Variants in C12orf76 observed in about 807,000 individuals in gnomAD.
C12orf76 encodes uncharacterized protein C12orf76.
In C12orf76, 6 loss-of-function variants were observed where a neutral mutation model predicts 6.8. The observed-to-expected ratio is 0.88, with a 90% CI of 0.48 to 1.73. The LOEUF (loss-of-function observed/expected upper bound fraction) is 1.73. Among genes scored for constraint, C12orf76 ranks in the 40% most tolerant of loss-of-function variants. The pLI, the probability that C12orf76 is intolerant of heterozygous loss-of-function variation, is 0.01. For missense variants in C12orf76, 99 were observed against 98.2 expected (o/e 1.01, Z -0.03); for synonymous variants, 56 against 43.7 (o/e 1.28, Z -1.11).
intron 2 of C12orf76, among the ~76,000 whole-genome samples, chr12:110,062,011 C>G (rs1269707509): frequency 6.6e-6 from 1 of 151,982 alleles, no homozygotes; most frequent in Non-Finnish European, 1.5e-5. Context: ...TGCCTGTAAC[C>G]CCAGCACTTT....
upstream of C12orf76, among the ~76,000 whole-genome samples, chr12:110,070,447 T>C (rs973896354): frequency 2.6e-5 from 4 of 151,958 alleles, no homozygotes; most frequent in African/African-American, 9.7e-5. Flanking sequence ...GTGCCTATGG[T>C]CCCAGCTACT....
intron 1 of C12orf76, among the ~76,000 whole-genome samples, chr12:110,073,013 A>T (rs1892978951): frequency 6.6e-6 from 1 of 152,156 alleles, no homozygotes; most frequent in African/African-American, 2.4e-5. Context: ...GGTGACCTGA[A>T]GTTAAAATAC....
At chr12:110,048,939 C>A (rs1337265101), upstream of C12orf76, 2 of 153,892 alleles carry the variant, frequency 1.3e-5, no homozygotes, top group African/African-American at 4.8e-5. Context: ...CCCAGACATC[C>A]TTTTCTAAAA....
chr12:110,073,285 C>T (rs149599123), intron 1 of C12orf76: 5,029 of 433,922 alleles, frequency 0.012, 47 homozygotes, highest in Middle Eastern at 0.017. Flanking sequence ...TCCTCCCTCC[C>T]GCCCGGTTTG....
At chr12:110,058,458 G>T (rs1009064766) in intron 3 of C12orf76, among the ~76,000 whole-genome samples, 1 of 152,312 alleles carries the variant, frequency 6.6e-6, no homozygotes, top group Admixed American at 6.5e-5. Flanking sequence ...GAGGCCAGGA[G>T]TTCAAGACCA....
In C12orf76 at chr12:110,062,901, C is replaced by A. The variant is rs139588456; in HGVS notation, n.380+2959G>T. ...CAAGCAATCCTCCCATCTCAGCCTC[C>A]CAAAGTGCTGGGATTATAGGGGTGA... On this transcript the variant is annotated intron_variant and non_coding_transcript_variant, in intron 2 of 4. Coordinates refer to the C12orf76 transcript ENST00000309050. 3.1e-3 allele frequency among the ~76,000 whole-genome samples: 469 copies of A among 150,894 alleles called. 4 individuals are homozygous for A. Among genetic ancestry groups the A allele is most frequent in the African/African-American group, 0.011 (454 of 40,884 alleles).
intron 3 of C12orf76, chr12:110,057,310 G>C (rs370022422): frequency 6.4e-7 from 1 of 1,572,190 alleles, no homozygotes; most frequent in African/African-American, 1.3e-5. Context: ...AGGTTCCAGA[G>C]CAAAAGTAAC....
chr12:110,072,247 T>G (rs559713598), upstream of C12orf76, among the ~76,000 whole-genome samples: 1 of 147,562 alleles, frequency 6.8e-6, no homozygotes, highest in East Asian at 2.0e-4. Flanking sequence ...GGCAACATAG[T>G]GAGACCCCAA....
chr12:110,062,500 C>T lies in C12orf76; in HGVS notation n.381-3337G>A, dbSNP rs1173028108. 4.6e-5 allele frequency among the ~76,000 whole-genome samples: 7 copies of T among 151,610 alleles called. No homozygotes were observed. The East Asian group carries it at 7.7e-4, about 17-fold the overall frequency. ...GATGAAATGTTCTAAAACTGGATCA[C>T]GGTAATGGTTGAACAACTTGGTAAA... On this transcript the variant is annotated intron_variant and non_coding_transcript_variant, in intron 2 of 4. Coordinates refer to the C12orf76 transcript ENST00000309050.
upstream of C12orf76, among the ~76,000 whole-genome samples, chr12:110,072,239 C>T (rs541586715): frequency 2.1e-5 from 3 of 145,238 alleles, no homozygotes; most frequent in East Asian, 6.0e-4. Context: ...CCAACCTGGG[C>T]AACATAGTGA....
At chr12:110,048,201 A>C (rs1216846619) in intron 1 of C12orf76, among the ~76,000 whole-genome samples, 162 bp downstream of exon 1, 1 of 152,150 alleles carries the variant, frequency 6.6e-6, no homozygotes, top group African/African-American at 2.4e-5. Flanking sequence ...AGGCTTTTGG[A>C]GAGGGAGTCT....
At chr12:110,046,946 TGTC>T (rs1892466555) in intron 1 of C12orf76, among the ~76,000 whole-genome samples, 1 of 151,974 alleles carries the variant, frequency 6.6e-6, no homozygotes, top group Admixed American at 6.6e-5. Flanking sequence ...TTATCCAACA[TGTC>T]GTAATATCCA....
At chr12:110,053,809 C>A (rs561840097), upstream of C12orf76, among the ~76,000 whole-genome samples, 1 of 151,438 alleles carries the variant, frequency 6.6e-6, no homozygotes, top group African/African-American at 2.4e-5. Flanking sequence ...TTGGGCCAGG[C>A]GCGGTGGCTC....
chr12:110,051,602 T>C (rs1892577670), upstream of C12orf76, among the ~76,000 whole-genome samples: 1 of 151,990 alleles, frequency 6.6e-6, no homozygotes, highest in Non-Finnish European at 1.5e-5. Flanking sequence ...AATTTTTGTA[T>C]TTTTAGTAGA....
At chr12:110,044,983 A>G (rs370852405) in intron 1 of C12orf76, among the ~76,000 whole-genome samples, 74 of 152,312 alleles carry the variant, frequency 4.9e-4, no homozygotes, top group Admixed American at 1.2e-3. Flanking sequence ...CAAAATAAAA[A>G]AAAAGAAAAG....
At position 110,042,290 on chromosome 12, in the gene C12orf76, G is replaced by A. The variant is rs1233991744; in HGVS notation, c.*84C>T. On this transcript the variant is annotated 3_prime_UTR_variant, in exon 2 of 2. Coordinates refer to ENST00000615315, the MANE Select transcript of C12orf76 (RefSeq NM_001389625.1). Reference sequence around the variant, plus strand: ...CCAAAGGTCATTTCCAAGTAGGAAAGTTTTGGTTCCAACTTCTCCACTGGC... The same window carrying A: ...CCAAAGGTCATTTCCAAGTAGGAAAATTTTGGTTCCAACTTCTCCACTGGC... The A allele has an allele frequency of 7.2e-6, 8 of 1,108,660 alleles. No individual in the cohort carries two copies. In the Admixed American group the frequency reaches 1.4e-4, roughly 20 times the overall value. 68.7% of individuals were successfully genotyped at this position (1,108,660 alleles called of 1,614,324 possible). A position where few individuals can be genotyped will look rare whatever the true frequency, so the allele number is the denominator to read the frequency against.
chr12:110,073,100 C>T (rs1233817736), intron 1 of C12orf76, among the ~76,000 whole-genome samples: 1 of 152,194 alleles, frequency 6.6e-6, no homozygotes, highest in Non-Finnish European at 1.5e-5. Flanking sequence ...GCCCTGAGAT[C>T]CTTGCCTCCT....
upstream of C12orf76, chr12:110,048,617 G>A: frequency 2.3e-6 from 3 of 1,311,090 alleles, no homozygotes; most frequent in Non-Finnish European, 2.9e-6. Flanking sequence ...CATGGTAACT[G>A]TGCGTCCTGG....
exon 4 of C12orf76, chr12:110,057,198 G>T: frequency 6.2e-7 from 1 of 1,609,308 alleles, no homozygotes; most frequent in Non-Finnish European, 8.5e-7. Context: ...CCTTGGCATT[G>T]CAGGTAGGAT....
Sources: allele counts gnomAD v4.1 joint callset (sites outside exome capture counted in the v4.1 genomes callset), GRCh38; gene constraint gnomAD v4.1.1; transcripts MANE v1.5; gene names NCBI Gene and HGNC (gene_info 2026-07-23, HGNC 2026-07-21).